Variants in MAPKAPK5 observed in about 807,000 individuals in gnomAD.
MAPKAPK5 encodes MAP kinase-activated protein kinase 5.
In MAPKAPK5, 30 loss-of-function variants were observed where a neutral mutation model predicts 65.1. That is an observed-to-expected ratio of 0.46 (90% CI 0.34 to 0.63). MAPKAPK5 has a LOEUF of 0.63. Ranked by LOEUF, MAPKAPK5 falls within the 20% of genes least tolerant of loss-of-function variation. The probability of loss-of-function intolerance (pLI) is 0.01; values close to 1 mark genes in which losing one functional copy is unlikely to be tolerated. For missense variants in MAPKAPK5, 433 were observed against 581.4 expected (o/e 0.74, Z 2.63); for synonymous variants, 179 against 204.6 (o/e 0.87, Z 1.07).
rs1186107949 is a variant in MAPKAPK5 at position 111,894,840 on chromosome 12, G to A, written c.*1779G>A. ...ACGTTGGTACATAGAAAAGCTGGCA[G>A]GTAGACTCCAGCTCGCAGAGCAGAG... On this transcript the variant is annotated 3_prime_UTR_variant, in exon 14 of 14. Transcript: ENST00000550735. 2 of 151,566 alleles carry A rather than the reference G, an allele frequency of 1.3e-5. No individual in the cohort carries two copies. Among genetic ancestry groups the A allele is most frequent in the African/African-American group, 4.9e-5 (2 of 41,142 alleles). The allele number at this position is 151,566 out of a possible 1,614,324, so 9.4% of individuals were successfully genotyped here.
intron 9 of MAPKAPK5, chr12:111,885,695 C>A (rs370044402): frequency 6.7e-4 from 338 of 508,180 alleles, no homozygotes; most frequent in South Asian, 2.1e-3. Context: ...CCCTTTTCTA[C>A]CATTTTAATC....
At chr12:111,845,636 C>T (rs892672597) in intron 1 of MAPKAPK5, among the ~76,000 whole-genome samples, 11 of 152,014 alleles carry the variant, frequency 7.2e-5, no homozygotes, top group African/African-American at 2.7e-4. Context: ...TATAATAATA[C>T]CTAGGCCAGG....
chr12:111,860,018 C>T (rs955216281), intron 1 of MAPKAPK5, among the ~76,000 whole-genome samples: 55 of 152,116 alleles, frequency 3.6e-4, no homozygotes, highest in Admixed American at 2.9e-3. Flanking sequence ...TGTAGTGAGC[C>T]GAGATTGCGC....
chr12:111,870,040 C>A (rs780199466), intron 5 of MAPKAPK5, among the ~76,000 whole-genome samples: 1 of 152,186 alleles, frequency 6.6e-6, no homozygotes, highest in Admixed American at 6.5e-5. Flanking sequence ...CAAAGAATTG[C>A]TGTACCATCA....
chr12:111,877,672 A>G (rs1229171470), intron 7 of MAPKAPK5, among the ~76,000 whole-genome samples: 1 of 151,978 alleles, frequency 6.6e-6, no homozygotes, highest in African/African-American at 2.4e-5. Flanking sequence ...TATATTTCAG[A>G]TATGAATTCC....
At chr12:111,866,490 T>G (rs1007781907) in intron 3 of MAPKAPK5, among the ~76,000 whole-genome samples, 3 of 152,342 alleles carry the variant, frequency 2.0e-5, no homozygotes. Context: ...TGTATTCAGA[T>G]TTACCTCAGT....
intron 7 of MAPKAPK5, among the ~76,000 whole-genome samples, chr12:111,873,223 T>C (rs540814747): frequency 6.6e-6 from 1 of 152,330 alleles, no homozygotes; most frequent in East Asian, 1.9e-4. Context: ...AGGTTCTTTT[T>C]TTCCCCCTTA....
rs1191603022 is a variant in MAPKAPK5 at position 111,901,208 on chromosome 12, C to T, written c.*8147C>T. ...CTTACTGTGCACCAAACAAAGTCTG[C>T]CTGAATTCCGCCTGCACAGATAAAA... On this transcript the variant is annotated 3_prime_UTR_variant, in exon 14 of 14. Coordinates refer to ENST00000550735, the MANE Select transcript of MAPKAPK5 (RefSeq NM_003668.4). 3 of 456,014 alleles carry T rather than the reference C, an allele frequency of 6.6e-6. No homozygotes were observed. In the East Asian group the frequency reaches 2.1e-4, roughly 32 times the overall value. The allele number at this position is 456,014 out of a possible 1,614,324, so 28.2% of individuals were successfully genotyped here.
chr12:111,898,792 C>T lies in MAPKAPK5; in HGVS notation c.*5731C>T, dbSNP rs995874202. The T allele has an allele frequency of 1.3e-5, 2 of 152,102 alleles. No homozygotes were observed. The highest frequency in any genetic ancestry group is 4.1e-4 in the South Asian group (2 of 4,826). 9.4% of individuals were successfully genotyped at this position (152,102 alleles called of 1,614,324 possible). A position where few individuals can be genotyped will look rare whatever the true frequency, so the allele number is the denominator to read the frequency against. On this transcript the variant is annotated 3_prime_UTR_variant, in exon 14 of 14. Transcript: ENST00000550735. ...AATGAGGGAAAGAGGCAGTGGGCCA[C>T]AAAGAACTTTGTCCTTTTCAGAGAT...
intron 9 of MAPKAPK5, among the ~76,000 whole-genome samples, chr12:111,884,078 C>T (rs2070324539): frequency 2.6e-5 from 4 of 152,252 alleles, no homozygotes; most frequent in African/African-American, 7.2e-5. Context: ...TCCTTCTTAC[C>T]TGTGAGCTGG....
At chr12:111,890,347 T>A (rs77459172) in intron 13 of MAPKAPK5, among the ~76,000 whole-genome samples, 4,843 of 152,230 alleles carry the variant, frequency 0.032, 127 homozygotes, top group South Asian at 0.056. Flanking sequence ...TTTCACTTAT[T>A]TTCCGGAGTT....
chr12:111,848,769 A>G (rs1016729271), intron 1 of MAPKAPK5, among the ~76,000 whole-genome samples: 1 of 149,256 alleles, frequency 6.7e-6, no homozygotes, highest in Non-Finnish European at 1.5e-5. Flanking sequence ...TCGCTTTGTC[A>G]CTCAGGCTGG....
intron 1 of MAPKAPK5, among the ~76,000 whole-genome samples, chr12:111,852,827 G>T (rs2069126030): frequency 6.6e-6 from 1 of 151,924 alleles, no homozygotes; most frequent in African/African-American, 2.4e-5. Flanking sequence ...AGGCTTAAGT[G>T]CAGTAGTGCA....
At chr12:111,887,457 G>A (rs1386954700) in intron 10 of MAPKAPK5, 2 of 152,200 alleles carry the variant, frequency 1.3e-5, no homozygotes, top group African/African-American at 4.8e-5. Context: ...CAGATCACTT[G>A]AGGTCAAGAG....
chr12:111,886,099 G>T (rs1338536877), intron 10 of MAPKAPK5, 63 bp downstream of exon 10: 3 of 1,611,394 alleles, frequency 1.9e-6, no homozygotes, highest in Admixed American at 3.3e-5. Context: ...GCTGGGGCTT[G>T]GCTCAGTGAG....
chr12:111,863,080 C>T (rs1031929189), intron 1 of MAPKAPK5, among the ~76,000 whole-genome samples: 1 of 152,136 alleles, frequency 6.6e-6, no homozygotes, highest in Non-Finnish European at 1.5e-5. Context: ...AATCTTTATG[C>T]TGGGGCCTGG....
rs1170981209 is a variant in MAPKAPK5, at chr12:111,901,086, A to G, written c.*8025A>G. The G allele has an allele frequency of 4.4e-6, 2 of 456,012 alleles. No homozygotes were observed. The highest frequency in any genetic ancestry group is 4.0e-5 in the African/African-American group (2 of 50,094). 28.2% of individuals were successfully genotyped at this position (456,012 alleles called of 1,614,324 possible). On this transcript the variant is annotated 3_prime_UTR_variant, in exon 14 of 14. Transcript: ENST00000550735. ...CTTACCAAAAATCAATCTCCAACAT[A>G]CAATGATTCAGGTCCCTCAGGGAGA... is the stretch of plus-strand genomic sequence containing the variant.
At chr12:111,859,161 T>C (rs1262737202) in intron 1 of MAPKAPK5, among the ~76,000 whole-genome samples, 4 of 148,300 alleles carry the variant, frequency 2.7e-5, no homozygotes, top group South Asian at 2.2e-4. Context: ...TTAGATAATA[T>C]AGCAACTCTG....
chr12:111,884,794 G>A (rs1352187650), intron 9 of MAPKAPK5, among the ~76,000 whole-genome samples: 1 of 152,130 alleles, frequency 6.6e-6, no homozygotes, highest in African/African-American at 2.4e-5. Context: ...ATGTTTAGGG[G>A]CAACACCTGG....
Sources: allele counts gnomAD v4.1 joint callset (sites outside exome capture counted in the v4.1 genomes callset), GRCh38; gene constraint gnomAD v4.1.1; transcripts MANE v1.5; gene names NCBI Gene and HGNC (gene_info 2026-07-23, HGNC 2026-07-21).